Variants in ADCK5 observed in about 807,000 individuals in gnomAD.
ADCK5 encodes aarF domain containing kinase 5.
In ADCK5, 43 loss-of-function variants were observed where a neutral mutation model predicts 64.9. The ratio of observed to expected loss-of-function variants is 0.66; its 90% CI spans 0.52 to 0.85. The LOEUF is 0.85. Ranked by LOEUF, ADCK5 falls within the 40% of genes least tolerant of loss-of-function variation. The probability of loss-of-function intolerance (pLI) is 0.00; values close to 1 mark genes in which losing one functional copy is unlikely to be tolerated. For synonymous variants in ADCK5, 434 were observed against 342.8 expected, an observed-to-expected ratio of 1.27 and a Z score of -2.94; for missense variants, 760 against 810.5, an observed-to-expected ratio of 0.94 and a Z score of 0.76.
rs2130677454 is a variant in ADCK5 at position 144,374,741 on chromosome 8, C to T, written c.12+634C>T. Among the ~76,000 whole-genome samples, 3 of 152,268 alleles carry T rather than the reference C, an allele frequency of 2.0e-5. No homozygotes were observed. In the South Asian group the frequency reaches 6.2e-4, roughly 32 times the overall value. On this transcript the variant is annotated intron_variant, in intron 1 of 14. Transcript: ENST00000308860. Reference sequence around the variant, plus strand: ...CCCTGAGGCGGCGGGCGGGCGGGGGCTGCAGGCCGGGCTCTGCTCTGAGCG... The same window carrying T: ...CCCTGAGGCGGCGGGCGGGCGGGGGTTGCAGGCCGGGCTCTGCTCTGAGCG...
At chr8:144,388,487 G>C (rs1370377498) in intron 3 of ADCK5, among the ~76,000 whole-genome samples, 1 of 151,652 alleles carries the variant, frequency 6.6e-6, no homozygotes, top group Non-Finnish European at 1.5e-5. Flanking sequence ...AGTTAGAGCC[G>C]GGCACGGTGG....
chr8:144,375,504 C>T (rs2130679639), intron 1 of ADCK5: 1 of 985,506 alleles, frequency 1.0e-6, no homozygotes, highest in East Asian at 1.1e-4. Context: ...TTGCTTCTCA[C>T]TGCTGCGGCC....
intron 2 of ADCK5, 127 bp from the exon 3 acceptor site, chr8:144,382,954 G>C (rs1554858573): frequency 3.0e-6 from 4 of 1,345,848 alleles, no homozygotes; most frequent in East Asian, 5.0e-5. Context: ...GGTGTTCTCT[G>C]CTGACCACAC....
chr8:144,373,916 G>A (rs1289858190), upstream of ADCK5: 2 of 669,456 alleles, frequency 3.0e-6, no homozygotes, highest in Non-Finnish European at 4.2e-6. Context: ...GGCCGCCAGG[G>A]GACGCTGCCC....
Position 144,390,766 on chromosome 8 carries a change from GCA to G in ADCK5, c.342+25_342+26del. The stretch of plus-strand genomic sequence containing the variant: ...GAAGAGGTTTGTCCTGGTGCCCTGG[GCA>G]CACAGTGGTGGGCATGAGGTGGTGG... On this transcript the variant is annotated intron_variant, in intron 4 of 14. Coordinates refer to ENST00000308860, the MANE Select transcript of ADCK5 (RefSeq NM_174922.5). 1.2e-6 allele frequency: 2 copies of G among 1,612,382 alleles called. No homozygotes were observed. Among genetic ancestry groups the G allele is most frequent in the Non-Finnish European group, 1.7e-6 (2 of 1,178,978 alleles).
chr8:144,380,344 A>G (rs79656200), intron 2 of ADCK5, among the ~76,000 whole-genome samples: 955 of 34,782 alleles, frequency 0.027, 9 homozygotes, highest in Middle Eastern at 0.074. Context: ...ATTATGGGCC[A>G]GGTGTAGAAA....
intron 2 of ADCK5, among the ~76,000 whole-genome samples, chr8:144,382,837 T>A (rs1554858547): frequency 6.6e-6 from 1 of 152,248 alleles, no homozygotes; most frequent in African/African-American, 2.4e-5. Context: ...ATTGGCTGCG[T>A]CTCTGGACAG....
intron 2 of ADCK5, among the ~76,000 whole-genome samples, chr8:144,381,133 CTG>C (rs1819607228): frequency 2.8e-5 from 4 of 145,050 alleles, no homozygotes; most frequent in African/African-American, 7.8e-5. Context: ...CAGGCACCTG[CTG>C]CACTAAGGAT....
intron 2 of ADCK5, among the ~76,000 whole-genome samples, chr8:144,382,122 G>T (rs1819690826): frequency 7.0e-6 from 1 of 142,340 alleles, no homozygotes; most frequent in Non-Finnish European, 1.5e-5. Flanking sequence ...AAGGATTATG[G>T]GCCGGGTGTA....
In ADCK5 at chr8:144,376,758, C is replaced by T. The variant is rs1586573321; in HGVS notation, c.13-2629C>T. ...GTCCGTGGGCACGACTGCCTGATCT[C>T]GGGGCCTCTAGCCATGCATGCACTG... On this transcript the variant is annotated intron_variant, in intron 1 of 14. Transcript: ENST00000308860. The surrounding 1 kb of genome is among the most constrained non-coding windows in gnomAD (Gnocchi z 5.1). Among the ~76,000 whole-genome samples, 2 of 152,162 alleles carry T rather than the reference C, an allele frequency of 1.3e-5. 1 individual carries two copies. Among genetic ancestry groups the T allele is most frequent in the South Asian group, 4.1e-4 (2 of 4,828 alleles).
rs1207378711 is a variant in ADCK5, at chr8:144,392,611, G to A, written c.1434G>A (p.Leu478=). Residue 478 remains leucine, a synonymous_variant, in exon 13 of 15, where the codon CTG becomes CTA. Coordinates refer to ENST00000308860, the MANE Select transcript of ADCK5 (RefSeq NM_174922.5). ...AVLRELPRPM[L]LVLRNINTVR... ...TCAGGGAGCTGCCGCGGCCCATGCTGCTGGTGCTGCGCAACATCAACACCG... is the reference window on the plus strand; with the variant it reads ...TCAGGGAGCTGCCGCGGCCCATGCTACTGGTGCTGCGCAACATCAACACCG... 3.2e-6 allele frequency: 5 copies of A among 1,586,118 alleles called. No individual in the cohort carries two copies. The highest frequency in any genetic ancestry group is 4.3e-6 in the Non-Finnish European group (5 of 1,170,384).
At position 144,384,344 on chromosome 8, in the gene ADCK5, C is replaced by T. The variant is rs890812160; in HGVS notation, c.266+1114C>T. On this transcript the variant is annotated intron_variant, in intron 3 of 14. Coordinates refer to ENST00000308860, the MANE Select transcript of ADCK5 (RefSeq NM_174922.5). The surrounding 1 kb of genome is among the most constrained non-coding windows in gnomAD (Gnocchi z 5.7). ...CAAGTGCCTCGGCTTCTGGTGCCTT[C>T]AGAGATTTCACCAGAAGTTTCACAG... Among the ~76,000 whole-genome samples the T allele has an allele frequency of 6.6e-6, 1 of 152,160 alleles. No homozygotes were observed. Among genetic ancestry groups the T allele is most frequent in the East Asian group, 1.9e-4 (1 of 5,192 alleles).
intron 3 of ADCK5, among the ~76,000 whole-genome samples, chr8:144,385,532 G>A (rs1819878539): frequency 6.6e-6 from 1 of 151,286 alleles, no homozygotes; most frequent in African/African-American, 2.4e-5. Context: ...TGTAATCCCA[G>A]CTACTTTGAG....
At position 144,384,238 on chromosome 8, in the gene ADCK5, C is replaced by T. The variant is rs1212410775; in HGVS notation, c.266+1008C>T. Among the ~76,000 whole-genome samples the T allele has an allele frequency of 2.0e-5, 3 of 152,052 alleles. No homozygotes were observed. The East Asian group carries it at 5.8e-4, about 29-fold the overall frequency. On this transcript the variant is annotated intron_variant, in intron 3 of 14. Coordinates refer to ENST00000308860, the MANE Select transcript of ADCK5 (RefSeq NM_174922.5). This position sits in a 1 kb window ranked among gnomAD's most constrained non-coding sequence, Gnocchi z 5.7. ...CCCAAAGCCCTTTTGAATGGAGCGTCAGGGCAGGAAGGAGGCAGGGAGGGT... is the reference window on the plus strand; with the variant it reads ...CCCAAAGCCCTTTTGAATGGAGCGTTAGGGCAGGAAGGAGGCAGGGAGGGT...
Position 144,383,123 on chromosome 8 carries a change from C to G in ADCK5, c.159C>G (p.Thr53=). Residue 53 remains threonine, a synonymous_variant, in exon 3 of 15, where the codon ACC becomes ACG. Transcript: ENST00000308860. ...PTPLWRKVLS[T]AVVGAPLLLG... is the part of the protein sequence containing the mutation. ...CCCTGTGGAGGAAGGTGCTCTCCAC[C>G]GCGGTAGTGGGGGCGCCCCTGCTCC... is the stretch of plus-strand genomic sequence containing the variant. The G allele has an allele frequency of 6.3e-7, 1 of 1,587,482 alleles. No individual in the cohort carries two copies. The highest frequency in any genetic ancestry group is 8.6e-7 in the Non-Finnish European group (1 of 1,167,184).
chr8:144,390,557 G>T, intron 3 of ADCK5, 114 bp from the exon 4 acceptor site: 1 of 1,147,276 alleles, frequency 8.7e-7, no homozygotes, highest in Non-Finnish European at 1.3e-6. Flanking sequence ...CCTCACCCTT[G>T]GGACATGAAG....
intron 3 of ADCK5, among the ~76,000 whole-genome samples, chr8:144,387,628 T>C (rs1477532374): frequency 6.6e-6 from 1 of 151,610 alleles, no homozygotes; most frequent in African/African-American, 2.4e-5. Context: ...TGGTCTTGAA[T>C]TCCTGACCTT....
chr8:144,374,612 G>A (rs1207708118), intron 1 of ADCK5, among the ~76,000 whole-genome samples: 2 of 152,222 alleles, frequency 1.3e-5, no homozygotes, highest in Non-Finnish European at 2.9e-5. Flanking sequence ...GAAGCCTCAG[G>A]CGCCGTTCCC....
chr8:144,392,761 C>CGCGGGTGTGT lies in ADCK5; in HGVS notation c.1521-12_1521-3dup, dbSNP rs1564679115. On this transcript the variant is annotated splice_polypyrimidine_tract_variant and intron_variant, in intron 13 of 14. Transcript: ENST00000308860. ...TGGTGTGGGGCTGACGCGGCGCTAA[C>CGCGGGTGTGT]GCGGGTGTGTGCAGGGCTGTCCGGG... 9 of 1,586,394 alleles carry CGCGGGTGTGT rather than the reference C, an allele frequency of 5.7e-6. No individual in the cohort carries two copies. The highest frequency in any genetic ancestry group is 7.7e-6 in the Non-Finnish European group (9 of 1,168,068).
Sources: allele counts gnomAD v4.1 joint callset (sites outside exome capture counted in the v4.1 genomes callset), GRCh38; gene constraint gnomAD v4.1.1; non-coding constraint Gnocchi (gnomAD v3.1); transcripts MANE v1.5; gene names NCBI Gene and HGNC (gene_info 2026-07-23, HGNC 2026-07-21).